Variants in MAF observed in about 807,000 individuals in gnomAD.
MAF encodes the protein MAF bZIP transcription factor.
Under a neutral mutation model 22.0 loss-of-function variants are expected in MAF, and 10 were observed. The observed-to-expected ratio is 0.45, with a 90% confidence interval of 0.28 to 0.77. The LOEUF (loss-of-function observed/expected upper bound fraction) is 0.77. MAF is among the 30% of genes least tolerant of loss of function. The pLI is 0.12. For missense variants in MAF, 544 were observed against 548.4 expected (o/e 0.99, Z 0.08); for synonymous variants, 337 against 255.8 (o/e 1.32, Z -3.03).
chr16:79,427,116 T>C, the MAF span, among the ~76,000 whole-genome samples: 2 of 152,220 alleles, frequency 1.3e-5, no homozygotes, highest in Non-Finnish European at 1.5e-5. Context: ...CACGTGATAA[T>C]GAGTAGGAAA....
At chr16:79,420,275 G>A in the MAF span, among the ~76,000 whole-genome samples, 1 of 152,188 alleles carries the variant, frequency 6.6e-6, no homozygotes, top group African/African-American at 2.4e-5. Flanking sequence ...CACGTTATAT[G>A]TGATTTTGTG....
At chr16:79,213,457 C>G in the MAF span, among the ~76,000 whole-genome samples, 7 of 151,302 alleles carry the variant, frequency 4.6e-5, no homozygotes, top group Admixed American at 1.3e-4. Flanking sequence ...CAAAAGCAGC[C>G]GTCAGAACTC....
the MAF span, among the ~76,000 whole-genome samples, chr16:79,330,092 C>T: frequency 6.6e-6 from 1 of 152,076 alleles, no homozygotes; most frequent in East Asian, 1.9e-4. Context: ...ATTTTCATAC[C>T]GATTTATTCA....
chr16:79,583,604 C>G (rs1434547176), downstream of MAF, among the ~76,000 whole-genome samples: 1 of 152,198 alleles, frequency 6.6e-6, no homozygotes, highest in African/African-American at 2.4e-5. Context: ...AAGGTCCATC[C>G]CCACGTTCTG....
At chr16:79,595,182 A>T (rs548459695) in intron 1 of MAF, 2 of 1,041,520 alleles carry the variant, frequency 1.9e-6, no homozygotes, top group Admixed American at 5.6e-5. Context: ...CTTCAAGCTC[A>T]TGAGGGGAGG....
the MAF span, among the ~76,000 whole-genome samples, chr16:79,468,341 G>T: frequency 5.9e-5 from 9 of 152,208 alleles, no homozygotes; most frequent in Non-Finnish European, 1.2e-4. Context: ...GCCCCTGCCT[G>T]TGTCCAGCCC....
At chr16:79,592,465 G>A (rs146534111), downstream of MAF, among the ~76,000 whole-genome samples, 51 of 152,312 alleles carry the variant, frequency 3.3e-4, no homozygotes, top group African/African-American at 1.2e-3. Context: ...CATCAAAAGC[G>A]AGAAAAGCAG....
chr16:79,363,812 C>T, the MAF span, among the ~76,000 whole-genome samples: 1 of 152,098 alleles, frequency 6.6e-6, no homozygotes, highest in African/African-American at 2.4e-5. Flanking sequence ...AGATATAGGA[C>T]ATCTAAGTGA....
chr16:79,312,137 T>C, the MAF span, among the ~76,000 whole-genome samples: 1 of 152,068 alleles, frequency 6.6e-6, no homozygotes, highest in African/African-American at 2.4e-5. Flanking sequence ...ATCATCATCA[T>C]CATCATTACA....
the MAF span, among the ~76,000 whole-genome samples, chr16:79,549,993 G>C: frequency 6.6e-6 from 1 of 152,184 alleles, no homozygotes; most frequent in Non-Finnish European, 1.5e-5. Context: ...CTTGGTGGCA[G>C]TATAAACTGA....
chr16:79,351,964 G>C, the MAF span, among the ~76,000 whole-genome samples: 7 of 152,082 alleles, frequency 4.6e-5, no homozygotes, highest in African/African-American at 1.7e-4. Context: ...AAGCATGCCG[G>C]GACACCATCC....
At chr16:79,593,173 G>C (rs1913284134), downstream of MAF, among the ~76,000 whole-genome samples, 2 of 152,226 alleles carry the variant, frequency 1.3e-5, no homozygotes, top group Non-Finnish European at 2.9e-5. Context: ...TAGTAGACTG[G>C]AGGAGTGTAT....
rs962242196 is a variant in MAF, at chr16:79,600,603, T to A, written c.-701A>T. Reference sequence around the variant, plus strand: ...AGTTTAGTTCTTTCTTGCCTTTTTTTAAAAAAGCAAAATAGCGAAGTCCTG... The same window carrying A: ...AGTTTAGTTCTTTCTTGCCTTTTTTAAAAAAAGCAAAATAGCGAAGTCCTG... On this transcript the variant is annotated 5_prime_UTR_variant, in exon 1 of 2. Transcript: ENST00000326043. 6 of 195,558 alleles carry A rather than the reference T, an allele frequency of 3.1e-5. No individual in the cohort carries two copies. Among genetic ancestry groups the A allele is most frequent in the South Asian group, 2.0e-4 (1 of 5,016 alleles). 12.1% of individuals were successfully genotyped at this position (195,558 alleles called of 1,614,324 possible).
chr16:79,599,423 G>T lies in MAF; in HGVS notation c.480C>A (p.Ala160=). The T allele has an allele frequency of 8.4e-7, 1 of 1,188,784 alleles. No individual in the cohort carries two copies. The highest frequency in any genetic ancestry group is 1.0e-6 in the Non-Finnish European group (1 of 962,092). The allele number at this position is 1,188,784 out of a possible 1,614,324, so 73.6% of individuals were successfully genotyped here. A position where few individuals can be genotyped will look rare whatever the true frequency, so the allele number is the denominator to read the frequency against. Residue 160 remains alanine, a synonymous_variant, in exon 1 of 2, where the codon GCC becomes GCA. Transcript: ENST00000326043. The stretch of plus-strand genomic sequence containing the variant: ...CGATCACGGCGGACACCACGGCGGC[G>T]GCGGGGCCCATCTCCTCGCCGCTGC... The part of the protein sequence containing the change: ...LGGSGEEMGP[A]AAVVSAVIAA...
chr16:79,211,290 C>CCAT, the MAF span, among the ~76,000 whole-genome samples: 2 of 152,242 alleles, frequency 1.3e-5, no homozygotes, highest in East Asian at 3.9e-4. Flanking sequence ...CAGAAGGATA[C>CCAT]CATCTTTTTC....
At chr16:79,400,652 G>A in the MAF span, among the ~76,000 whole-genome samples, 1 of 152,188 alleles carries the variant, frequency 6.6e-6, no homozygotes, top group African/African-American at 2.4e-5. Context: ...CTCCTGATTG[G>A]GATCTGACTA....
the MAF span, among the ~76,000 whole-genome samples, chr16:79,285,403 A>T: frequency 0.92 from 140,638 of 152,186 alleles, 65,004 homozygotes; most frequent in East Asian, 1. Flanking sequence ...CTCCTTTAGG[A>T]TTAGGGACGA....
the MAF span, among the ~76,000 whole-genome samples, chr16:79,257,067 C>T: frequency 6.6e-6 from 1 of 152,084 alleles, no homozygotes; most frequent in East Asian, 1.9e-4. Flanking sequence ...GTCTTGGTTA[C>T]TCGGGAGGCT....
the MAF span, among the ~76,000 whole-genome samples, chr16:79,234,018 A>T: frequency 1.1e-4 from 17 of 151,374 alleles, no homozygotes; most frequent in Admixed American, 1.1e-3. Context: ...GAGTAAGTGT[A>T]TAGAATGGGT....
Sources: gnomAD v4.1 joint callset for allele counts (sites outside exome capture counted in the v4.1 genomes callset) on GRCh38, gnomAD v4.1.1 for gene constraint, MANE v1.5 for transcripts, NCBI Gene and HGNC (gene_info 2026-07-23, HGNC 2026-07-21) for gene names.